DRGX: variants seen among roughly 807,000 people sequenced by gnomAD.
DRGX encodes the protein dorsal root ganglia homeobox, also known as dorsal root ganglia homeobox protein.
A neutral mutation model predicts 28.6 loss-of-function variants in DRGX; 21 were observed. That is an observed-to-expected ratio of 0.73 (90% CI 0.52 to 1.06). DRGX has a LOEUF of 1.06. DRGX is among the 50% of genes least tolerant of loss of function. The pLI, the probability that DRGX is intolerant of heterozygous loss-of-function variation, is 0.00. For synonymous variants in DRGX, 136 were observed against 139.1 expected (o/e 0.98, Z 0.16); for missense variants, 354 against 343.9 (o/e 1.03, Z -0.23).
chr10:49,379,569 A>G (rs999903350), intron 6 of DRGX, among the ~76,000 whole-genome samples: 4 of 152,202 alleles, frequency 2.6e-5, no homozygotes, highest in Non-Finnish European at 5.9e-5. Context: ...GCTATGGCCA[A>G]TACAGCCCTC....
intron 2 of DRGX, 53 bp downstream of exon 2, chr10:49,395,354 C>T (rs1849955793): frequency 2.6e-6 from 4 of 1,546,990 alleles, no homozygotes. Flanking sequence ...CGCTCCGGCC[C>T]TTTCTGGCCG....
In DRGX at chr10:49,364,261, TC is replaced by T. The variant is rs1849574076; in HGVS notation, c.*1854del. Reference sequence around the variant, plus strand: ...CCAGTTTTGCACAGTCACTAGAGTGTCGCATCATGAATTATTAAATCAGTGC... The same window carrying T: ...CCAGTTTTGCACAGTCACTAGAGTGTGCATCATGAATTATTAAATCAGTGC... On this transcript the variant is annotated 3_prime_UTR_variant, in exon 7 of 7. Transcript: ENST00000374139. The T allele has an allele frequency of 6.6e-6, 1 of 152,224 alleles. No individual in the cohort carries two copies. The highest frequency in any genetic ancestry group is 2.1e-4 in the South Asian group (1 of 4,834). The allele number at this position is 152,224 out of a possible 1,614,324, so 9.4% of individuals were successfully genotyped here. A position where few individuals can be genotyped will look rare whatever the true frequency, so the allele number is the denominator to read the frequency against.
rs568384275 is a variant in DRGX, at chr10:49,386,540, G to C, written c.464C>G (p.Pro155Arg). The change falls in exon 6 of 7, where the codon CCG (proline) becomes CGG (arginine). Residue 155 changes from proline (P) to arginine (R), a missense_variant. By Grantham distance (103) the Pro-to-Arg change is moderately radical. Transcript: ENST00000374139. ...PAGPFFPSCLPGTLLNTATYA... is the reference protein window; with the variant it reads ...PAGPFFPSCLRGTLLNTATYA... ...GGTGGCCGTGTTCAGGAGAGTCCCC[G>C]GCAAGCAGGAGGGGAAGAAAGGCCC... is the stretch of plus-strand genomic sequence containing the variant. 3.1e-6 allele frequency: 5 copies of C among 1,589,656 alleles called. No homozygotes were observed. The highest frequency in any genetic ancestry group is 2.3e-5 in the East Asian group (1 of 43,514).
At chr10:49,384,301 A>G (rs1849808059) in intron 6 of DRGX, among the ~76,000 whole-genome samples, 1 of 152,322 alleles carries the variant, frequency 6.6e-6, no homozygotes, top group African/African-American at 2.4e-5. Flanking sequence ...CTCTGGAAAC[A>G]CGGTATGTCG....
At chr10:49,394,780 G>T (rs1849947424) in intron 2 of DRGX, among the ~76,000 whole-genome samples, 1 of 152,204 alleles carries the variant, frequency 6.6e-6, no homozygotes, top group African/African-American at 2.4e-5. Context: ...TGGGGAGTGG[G>T]GAGTGGTCGA....
intron 6 of DRGX, among the ~76,000 whole-genome samples, chr10:49,383,914 C>A (rs1849804498): frequency 2.0e-5 from 3 of 152,242 alleles, no homozygotes; most frequent in Admixed American, 2.0e-4. Context: ...CCTGAACCAA[C>A]TAAGACAGGA....
In DRGX at chr10:49,366,023, C is replaced by G. The variant is rs1220790803; in HGVS notation, c.*93G>C. ...CATGCAGAGGCCCTGGGGCCGCAGGCTTCTCCTTGCTATTTGGAGAGTTTT... is the reference window on the plus strand; with the variant it reads ...CATGCAGAGGCCCTGGGGCCGCAGGGTTCTCCTTGCTATTTGGAGAGTTTT... On this transcript the variant is annotated 3_prime_UTR_variant, in exon 7 of 7. Transcript: ENST00000374139. 5 of 1,424,826 alleles carry G rather than the reference C, an allele frequency of 3.5e-6. No individual in the cohort carries two copies. The highest frequency in any genetic ancestry group is 4.6e-6 in the Non-Finnish European group (5 of 1,085,392). The allele number at this position is 1,424,826 out of a possible 1,614,324, so 88.3% of individuals were successfully genotyped here.
Position 49,386,858 on chromosome 10 carries a change from C to A in DRGX, c.235G>T (p.Val79Phe). Residue 79 changes from valine (V) to phenylalanine (F), a missense_variant and splice_region_variant, in exon 5 of 7, where the codon GTT becomes TTT. Val to Phe is a conservative substitution (Grantham distance 50, BLOSUM62 -1). Coordinates refer to ENST00000374139, the MANE Select transcript of DRGX (RefSeq NM_001276451.2). ...TTGGCCCTTCTGTTCTGGAACCAAA[C>A]CTGAATCCCAGATGGAAACATACAC... ...KINLTEARVQ[V>F]WFQNRRAKWR... The A allele has an allele frequency of 2.6e-6, 4 of 1,544,910 alleles. No individual in the cohort carries two copies. The highest frequency in any genetic ancestry group is 3.5e-6 in the Non-Finnish European group (4 of 1,150,192).
chr10:49,390,713 A>G (rs963412458), intron 3 of DRGX, among the ~76,000 whole-genome samples: 11 of 152,160 alleles, frequency 7.2e-5, no homozygotes, highest in Non-Finnish European at 1.3e-4. Context: ...GATCGAGGGG[A>G]AAAAGCCCAG....
In DRGX at chr10:49,366,313, G is replaced by A. The variant is rs1849599990; in HGVS notation, c.595C>T (p.Gln199Ter). The change falls in exon 7 of 7, where the codon CAG becomes TAG. Residue 199 changes from glutamine (Q) to a stop codon, truncating the protein, a stop_gained. Transcript: ENST00000374139. LOFTEE classifies it high-confidence loss of function. The stretch of plus-strand genomic sequence containing the variant: ...GCCACGCTGGCCGTGCGGTTACTCT[G>A]GCAGCCATAGGTGGGAAGGAAGGAG... ...GLSFLPTYGC[Q>*]SNRTASVATL... 1 of 1,613,958 alleles carries A rather than the reference G, an allele frequency of 6.2e-7. No homozygotes were observed. Among genetic ancestry groups the A allele is most frequent in the Non-Finnish European group, 8.5e-7 (1 of 1,179,860 alleles).
chr10:49,366,013 G>C lies in DRGX; in HGVS notation c.*103C>G. 7.2e-7 allele frequency: 1 copy of C among 1,392,536 alleles called. No homozygotes were observed. The highest frequency in any genetic ancestry group is 9.4e-7 in the Non-Finnish European group (1 of 1,058,866). 86.3% of individuals were successfully genotyped at this position (1,392,536 alleles called of 1,614,324 possible). Reference sequence around the variant, plus strand: ...GTCCTGGGTCCATGCAGAGGCCCTGGGGCCGCAGGCTTCTCCTTGCTATTT... The same window carrying C: ...GTCCTGGGTCCATGCAGAGGCCCTGCGGCCGCAGGCTTCTCCTTGCTATTT... On this transcript the variant is annotated 3_prime_UTR_variant, in exon 7 of 7. Transcript: ENST00000374139.
chr10:49,391,078 T>A (rs530019653), intron 3 of DRGX, 86 bp downstream of exon 3: 1 of 1,411,872 alleles, frequency 7.1e-7, no homozygotes, highest in East Asian at 2.3e-5. Context: ...TTGGTCTTAT[T>A]TTAAAAGACA....
At chr10:49,381,179 A>T (rs1043966657) in intron 6 of DRGX, among the ~76,000 whole-genome samples, 4 of 152,210 alleles carry the variant, frequency 2.6e-5, no homozygotes, top group African/African-American at 9.6e-5. Context: ...CTGATTGCCT[A>T]GCTCTGTCCC....
chr10:49,386,399 G>T (rs1334453386), intron 6 of DRGX, 79 bp downstream of exon 6: 4 of 1,328,938 alleles, frequency 3.0e-6, no homozygotes, highest in Non-Finnish European at 4.0e-6. Context: ...GGACGGCCGA[G>T]CCAAGACCCA....
At chr10:49,384,636 T>C (rs1439366881) in intron 6 of DRGX, among the ~76,000 whole-genome samples, 3 of 152,158 alleles carry the variant, frequency 2.0e-5, no homozygotes, top group Non-Finnish European at 4.4e-5. Context: ...CCACGTTCAC[T>C]CAGGCCAGTT....
In DRGX at chr10:49,364,318, A is replaced by G. The variant is rs934799547; in HGVS notation, c.*1798T>C. 6.6e-6 allele frequency: 1 copy of G among 152,254 alleles called. No individual in the cohort carries two copies. The highest frequency in any genetic ancestry group is 6.5e-5 in the Admixed American group (1 of 15,288). The allele number at this position is 152,254 out of a possible 1,614,324, so 9.4% of individuals were successfully genotyped here. A position where few individuals can be genotyped will look rare whatever the true frequency, so the allele number is the denominator to read the frequency against. ...GGTAATACATAATTTCTTATCAATT[A>G]TTCATGCTAATGTGTGTGTAGTTTA... On this transcript the variant is annotated 3_prime_UTR_variant, in exon 7 of 7. Transcript: ENST00000374139.
chr10:49,376,360 C>T (rs1849716854), intron 6 of DRGX, among the ~76,000 whole-genome samples: 1 of 152,206 alleles, frequency 6.6e-6, no homozygotes, highest in South Asian at 2.1e-4. Context: ...GTCCTCTGCT[C>T]CCCAAATACC....
rs112834209 is a variant in DRGX, at chr10:49,391,316, G to C, written c.35-55C>G. The C allele has an allele frequency of 6.1e-6, 9 of 1,468,290 alleles. No homozygotes were observed. The African/African-American group carries it at 1.1e-4, about 18-fold the overall frequency. The allele number at this position is 1,468,290 out of a possible 1,614,324, so 91.0% of individuals were successfully genotyped here. A position where few individuals can be genotyped will look rare whatever the true frequency, so the allele number is the denominator to read the frequency against. ...AGGAAGGGGCCCCAGTCCTCAGACC[G>C]CCCCCAGACACAGTTCAGAGGGCAC... On this transcript the variant is annotated intron_variant, in intron 2 of 6. Coordinates refer to ENST00000374139, the MANE Select transcript of DRGX (RefSeq NM_001276451.2).
chr10:49,368,191 A>G (rs1849619007), intron 6 of DRGX, among the ~76,000 whole-genome samples: 1 of 152,348 alleles, frequency 6.6e-6, no homozygotes, highest in African/African-American at 2.4e-5. Context: ...CTCTCCAGGT[A>G]AGAAAACTGA....
Sources: allele counts gnomAD v4.1 joint callset (sites outside exome capture counted in the v4.1 genomes callset), GRCh38; gene constraint gnomAD v4.1.1; transcripts MANE v1.5; gene names NCBI Gene and HGNC (gene_info 2026-07-23, HGNC 2026-07-21).